ROBO2: variants seen among roughly 807,000 people sequenced by gnomAD.
ROBO2 encodes roundabout homolog 2.
Under a neutral mutation model 160.8 loss-of-function variants are expected in ROBO2, and 53 were observed. The observed-to-expected ratio is 0.33, with a 90% confidence interval of 0.26 to 0.41. ROBO2 has a LOEUF of 0.41. Ranked by LOEUF, ROBO2 falls within the 10% of genes least tolerant of loss-of-function variation. ROBO2 has a pLI of 1.00. For missense variants in ROBO2, 1,577 were observed against 1,722.4 expected (o/e 0.92, Z 1.49); for synonymous variants, 664 against 611.7 (o/e 1.09, Z -1.26).
intron 2 of ROBO2, among the ~76,000 whole-genome samples, chr3:76,027,118 T>C (rs1170278465): frequency 6.6e-6 from 1 of 152,010 alleles, no homozygotes; most frequent in African/African-American, 2.4e-5. Flanking sequence ...ATATTTTTTC[T>C]TCTTCATGTC....
chr3:76,272,816 G>GTATTAATATATAAAATATATA (rs1707565432), intron 2 of ROBO2, among the ~76,000 whole-genome samples: 1 of 3,238 alleles, frequency 3.1e-4, no homozygotes, highest in African/African-American at 5.7e-4. Context: ...TATATAATAT[G>GTATTAATATATAAAATATATA]TATTTATATA....
intron 2 of ROBO2, among the ~76,000 whole-genome samples, chr3:76,283,220 G>T (rs1289492892): frequency 7.1e-6 from 1 of 140,024 alleles, no homozygotes; most frequent in Non-Finnish European, 1.5e-5. Flanking sequence ...GTAATAATCT[G>T]TAATAATTCA....
At chr3:76,594,928 C>T (rs2086645400) in intron 2 of ROBO2, among the ~76,000 whole-genome samples, 1 of 151,960 alleles carries the variant, frequency 6.6e-6, no homozygotes, top group African/African-American at 2.4e-5. Flanking sequence ...CCCCCCAAAA[C>T]TAATGTATTG....
chr3:76,169,289 GAGT>G (rs2072948408), intron 2 of ROBO2, among the ~76,000 whole-genome samples: 2 of 152,124 alleles, frequency 1.3e-5, no homozygotes, highest in Non-Finnish European at 2.9e-5. Context: ...AATCTGCCTG[GAGT>G]GCCCTTTCAA....
Position 76,780,691 on chromosome 3 carries a change from C to G in ROBO2, c.110-317323C>G, listed in dbSNP as rs141912084. On this transcript the variant is annotated intron_variant, in intron 2 of 26. Transcript: ENST00000487694. ...CAACACCATTTACTAAAGAGACTATCCTTTCCCCACTGTGTATTCTTGTCA... is the reference window on the plus strand; with the variant it reads ...CAACACCATTTACTAAAGAGACTATGCTTTCCCCACTGTGTATTCTTGTCA... Among the ~76,000 whole-genome samples, 344 of 150,930 alleles carry G rather than the reference C, an allele frequency of 2.3e-3. 1 individual carries two copies. The highest frequency in any genetic ancestry group is 8.0e-3 in the African/African-American group (331 of 41,386).
At chr3:76,536,268 C>T (rs1396164559) in intron 2 of ROBO2, among the ~76,000 whole-genome samples, 1 of 152,172 alleles carries the variant, frequency 6.6e-6, no homozygotes, top group African/African-American at 2.4e-5. Context: ...TGACTCTTCT[C>T]TATTGTTGAA....
At chr3:77,501,695 AT>A (rs566468286) in intron 5 of ROBO2, among the ~76,000 whole-genome samples, 367 of 151,994 alleles carry the variant, frequency 2.4e-3, no homozygotes, top group Admixed American at 3.9e-3. Context: ...TCACGGCAAT[AT>A]TTTTTTTCAA....
At chr3:76,328,380 C>A (rs2073191488) in intron 2 of ROBO2, among the ~76,000 whole-genome samples, 1 of 152,202 alleles carries the variant, frequency 6.6e-6, no homozygotes, top group East Asian at 1.9e-4. Flanking sequence ...TAGGTACTAG[C>A]AAAGGTTTTT....
chr3:77,006,530 T>C (rs890601213), intron 2 of ROBO2, among the ~76,000 whole-genome samples: 5 of 151,688 alleles, frequency 3.3e-5, no homozygotes, highest in African/African-American at 4.8e-5. Context: ...ATGGAGTGAA[T>C]GGGAAAAAAA....
chr3:76,076,327 A>G lies in ROBO2; in HGVS notation c.109+138725A>G, dbSNP rs9818099. 9.6e-3 allele frequency among the ~76,000 whole-genome samples: 1,460 copies of G among 152,272 alleles called. 27 individuals carry two copies. Among genetic ancestry groups the G allele is most frequent in the African/African-American group, 0.034 (1,413 of 41,542 alleles). ...AATTGCAATGGCCTTTCACCAGCACAACTGTTTTAGTCTTAAGACATCAGC... is the reference window on the plus strand; with the variant it reads ...AATTGCAATGGCCTTTCACCAGCACGACTGTTTTAGTCTTAAGACATCAGC... On this transcript the variant is annotated intron_variant, in intron 2 of 26. Coordinates refer to the ROBO2 transcript ENST00000487694.
intron 2 of ROBO2, among the ~76,000 whole-genome samples, chr3:76,301,237 A>G (rs1279399057): frequency 1.3e-5 from 2 of 152,144 alleles, no homozygotes; most frequent in African/African-American, 4.8e-5. Flanking sequence ...TAGGGATGAC[A>G]CTAAAGGGGT....
At position 76,036,300 on chromosome 3, in the gene ROBO2, C is replaced by A. The variant is rs907538694; in HGVS notation, c.109+98698C>A. 1.3e-5 allele frequency among the ~76,000 whole-genome samples: 2 copies of A among 151,742 alleles called. 1 individual carries two copies. Among genetic ancestry groups the A allele is most frequent in the South Asian group, 4.2e-4 (2 of 4,816 alleles). On this transcript the variant is annotated intron_variant, in intron 2 of 26. Transcript: ENST00000487694. ...AAGTAGCTGGGATTACAGGCACCTG[C>A]CACCACGCCCAGTTAATTTTTGTAT...
chr3:76,922,241 G>A (rs1330315800), intron 2 of ROBO2, among the ~76,000 whole-genome samples: 2 of 152,132 alleles, frequency 1.3e-5, no homozygotes, highest in Non-Finnish European at 2.9e-5. Context: ...AACCTGGGAG[G>A]CAGAGCTTGC....
At chr3:76,398,038 T>C (rs1022423804) in intron 2 of ROBO2, among the ~76,000 whole-genome samples, 3 of 151,952 alleles carry the variant, frequency 2.0e-5, no homozygotes, top group Admixed American at 6.6e-5. Flanking sequence ...ATGTTTATTG[T>C]GGCACTATTC....
At chr3:76,694,363 C>T (rs1316137531) in intron 2 of ROBO2, among the ~76,000 whole-genome samples, 1 of 152,094 alleles carries the variant, frequency 6.6e-6, no homozygotes, top group Non-Finnish European at 1.5e-5. Context: ...TCACTTCCTA[C>T]GATCCAATAG....
intron 1 of ROBO2, among the ~76,000 whole-genome samples, chr3:75,934,771 C>A (rs1320195891): frequency 6.6e-6 from 1 of 151,982 alleles, no homozygotes. Flanking sequence ...GTTTTAGATG[C>A]CAGTCCTTCC....
chr3:76,643,149 T>A (rs2090786269), intron 2 of ROBO2, among the ~76,000 whole-genome samples: 1 of 152,216 alleles, frequency 6.6e-6, no homozygotes, highest in African/African-American at 2.4e-5. Context: ...TGCAAGAAAC[T>A]TAAAGCCTTC....
At chr3:76,735,910 T>C (rs1257068247) in intron 2 of ROBO2, among the ~76,000 whole-genome samples, 2 of 151,808 alleles carry the variant, frequency 1.3e-5, no homozygotes, top group African/African-American at 2.4e-5. Context: ...GTAACAAACC[T>C]GTGCACACCC....
intron 2 of ROBO2, among the ~76,000 whole-genome samples, chr3:76,746,027 C>T (rs1171819664): frequency 7.4e-6 from 1 of 135,288 alleles, no homozygotes; most frequent in Non-Finnish European, 1.5e-5. Flanking sequence ...TGTTCCCCTT[C>T]CTGTGTCCAT....
Sources: gnomAD v4.1 joint callset for allele counts (sites outside exome capture counted in the v4.1 genomes callset) on GRCh38, gnomAD v4.1.1 for gene constraint, MANE v1.5 for transcripts, NCBI Gene and HGNC (gene_info 2026-07-23, HGNC 2026-07-21) for gene names.